ALPL: variants seen among roughly 807,000 people sequenced by gnomAD.
ALPL encodes the protein alkaline phosphatase, tissue-nonspecific isozyme.
In ALPL, 42 loss-of-function variants were observed where a neutral mutation model predicts 51.3. The ratio of observed to expected loss-of-function variants is 0.82; its 90% confidence interval spans 0.64 to 1.06. The LOEUF (loss-of-function observed/expected upper bound fraction) is 1.06, where lower values mean the gene tolerates loss of function less well. Among genes scored for constraint, ALPL ranks in the 50% least tolerant of loss-of-function variants. The pLI is 0.00. For missense variants in ALPL, 589 were observed against 709.4 expected (o/e 0.83, Z 1.93); for synonymous variants, 279 against 296.4 (o/e 0.94, Z 0.60).
chr1:21,564,695 G>T lies in ALPL; in HGVS notation c.648+479G>T, dbSNP rs898074722. On this transcript the variant is annotated intron_variant, in intron 6 of 11. Transcript: ENST00000374840. This position sits in a 1 kb window ranked among gnomAD's most constrained non-coding sequence, Gnocchi z 5.8. ...AGTTCCAGACCTTGCCCTGCGTGTT[G>T]CTAGCTGTGTGACCTTGGGTCAGTT... Among the ~76,000 whole-genome samples the T allele has an allele frequency of 3.3e-5, 5 of 152,230 alleles. No individual in the cohort carries two copies. Among genetic ancestry groups the T allele is most frequent in the Admixed American group, 2.6e-4 (4 of 15,288 alleles).
At chr1:21,516,740 T>C (rs1250348510) in intron 1 of ALPL, among the ~76,000 whole-genome samples, 3 of 152,242 alleles carry the variant, frequency 2.0e-5, no homozygotes, top group Non-Finnish European at 2.9e-5. Flanking sequence ...TGTTAGCCTA[T>C]CAAGATATCA....
chr1:21,542,815 G>A (rs1644205657), intron 1 of ALPL, among the ~76,000 whole-genome samples: 1 of 152,126 alleles, frequency 6.6e-6, no homozygotes. Flanking sequence ...TCCAGCTTGG[G>A]TGACAGAGCA....
At chr1:21,561,974 A>T (rs1270302272) in intron 4 of ALPL, among the ~76,000 whole-genome samples, 1 of 152,092 alleles carries the variant, frequency 6.6e-6, no homozygotes, top group Non-Finnish European at 1.5e-5. Flanking sequence ...GCCTGTATAC[A>T]CTTTTGCATG....
At chr1:21,570,411 G>A (rs764551600) in intron 8 of ALPL, 37 bp downstream of exon 8, 72 of 1,604,096 alleles carry the variant, frequency 4.5e-5, no homozygotes, top group Middle Eastern at 3.3e-4. Flanking sequence ...TGCATGGCTC[G>A]GAGCCTGGTG....
intron 4 of ALPL, among the ~76,000 whole-genome samples, chr1:21,562,130 C>G (rs550197441): frequency 6.6e-6 from 1 of 152,232 alleles, no homozygotes; most frequent in South Asian, 2.1e-4. Context: ...TTTTTGGTTT[C>G]CCAGTGCATA....
chr1:21,535,547 T>G (rs1481779026), intron 1 of ALPL, among the ~76,000 whole-genome samples: 3 of 151,876 alleles, frequency 2.0e-5, no homozygotes, highest in Non-Finnish European at 4.4e-5. Context: ...CTCGGGAGGT[T>G]GAGGCTGCAG....
intron 9 of ALPL, chr1:21,574,210 A>C (rs909997998): frequency 1.2e-5 from 12 of 985,462 alleles, no homozygotes; most frequent in Non-Finnish European, 1.4e-5. Flanking sequence ...CCTTGCAGAC[A>C]GACCTGAATT....
chr1:21,540,887 C>T (rs1371266902), intron 1 of ALPL, among the ~76,000 whole-genome samples: 1 of 152,214 alleles, frequency 6.6e-6, no homozygotes, highest in African/African-American at 2.4e-5. Flanking sequence ...TGGCAGGTTA[C>T]TCCTTTCTTC....
intron 2 of ALPL, among the ~76,000 whole-genome samples, chr1:21,554,834 T>C (rs1644385605): frequency 7.5e-6 from 1 of 133,772 alleles, no homozygotes; most frequent in African/African-American, 2.7e-5. Flanking sequence ...TCTTTCTTTC[T>C]TTCTTTCTTT....
intron 1 of ALPL, among the ~76,000 whole-genome samples, chr1:21,513,982 AGTGAGGCCAT>A (rs978119028): frequency 3.3e-5 from 5 of 152,164 alleles, no homozygotes; most frequent in Non-Finnish European, 7.4e-5. Context: ...GGCTAGATGC[AGTGAGGCCAT>A]GTAAGAGGGG....
intron 1 of ALPL, among the ~76,000 whole-genome samples, chr1:21,524,443 C>G (rs1643916139): frequency 6.6e-6 from 1 of 151,980 alleles, no homozygotes; most frequent in African/African-American, 2.4e-5. Context: ...TATCATTGCA[C>G]CTGTGAATAG....
rs2148189619 is a variant in ALPL at position 21,575,750 on chromosome 1, G to A, written c.1015G>A (p.Gly339Arg). Residue 339 changes from glycine (G) to arginine (R), a missense_variant, in exon 10 of 12, where the codon GGG (glycine) becomes AGG (arginine). Transcript: ENST00000374840. ...LLVEGGRIDHGHHEGKAKQAL... is the reference protein window; with the variant it reads ...LLVEGGRIDHRHHEGKAKQAL... ...GTCCCAAGGAGGCAGAATTGACCAC[G>A]GGCACCATGAAGGAAAAGCCAAGCA... The A allele has an allele frequency of 1.2e-6, 2 of 1,614,140 alleles. No homozygotes were observed. The highest frequency in any genetic ancestry group is 1.7e-6 in the Non-Finnish European group (2 of 1,180,028).
chr1:21,509,912 C>T lies in ALPL; in HGVS notation c.-105+395C>T, dbSNP rs1029166804. ...TGAGCCCCTCCTGGTGCCTCCTTAG[C>T]CGTAGCTCTAGAGACCTGGGCTGCC... On this transcript the variant is annotated intron_variant, in intron 1 of 11. Coordinates refer to ENST00000374840, the MANE Select transcript of ALPL (RefSeq NM_000478.6). This position sits in a 1 kb window ranked among gnomAD's most constrained non-coding sequence, Gnocchi z 6.0. Among the ~76,000 whole-genome samples, 3 of 152,228 alleles carry T rather than the reference C, an allele frequency of 2.0e-5. No individual in the cohort carries two copies. Among genetic ancestry groups the T allele is most frequent in the Admixed American group, 2.0e-4 (3 of 15,286 alleles).
chr1:21,560,838 G>A (rs946017403), intron 3 of ALPL, 93 bp downstream of exon 3: 14 of 1,523,916 alleles, frequency 9.2e-6, no homozygotes, highest in Non-Finnish European at 1.2e-5. Context: ...GTGTTGAAGG[G>A]GCTAGGGCTC....
At chr1:21,514,455 C>T (rs1301997822) in intron 1 of ALPL, among the ~76,000 whole-genome samples, 1 of 152,238 alleles carries the variant, frequency 6.6e-6, no homozygotes, top group Non-Finnish European at 1.5e-5. Context: ...CACTCTGAAC[C>T]CACAGCTCTC....
chr1:21,562,998 G>T, intron 4 of ALPL, 112 bp from the exon 5 acceptor site: 1 of 1,421,352 alleles, frequency 7.0e-7, no homozygotes, highest in East Asian at 2.3e-5. Flanking sequence ...TCAAGGCTAT[G>T]GGGTCCTCTC....
chr1:21,527,232 G>A (rs1015104999), intron 1 of ALPL, among the ~76,000 whole-genome samples: 9 of 151,792 alleles, frequency 5.9e-5, no homozygotes, highest in South Asian at 2.1e-4. Context: ...GGGTTTCTCC[G>A]TGTTGGTCAG....
rs74063110 is a variant in ALPL at position 21,573,619 on chromosome 1, G to A, written c.863-46G>A. On this transcript the variant is annotated intron_variant, in intron 8 of 11. Coordinates refer to ENST00000374840, the MANE Select transcript of ALPL (RefSeq NM_000478.6). ...CAGCTTCCTTGGAGTCCTCCTAGCCGGGTCACAGCCTCTCAGCATCCACAT... is the reference window on the plus strand; with the variant it reads ...CAGCTTCCTTGGAGTCCTCCTAGCCAGGTCACAGCCTCTCAGCATCCACAT... 0.15 allele frequency: 233,561 copies of A among 1,597,136 alleles called. 22,447 individuals are homozygous for A. The highest frequency in any genetic ancestry group is 0.5 in the East Asian group (22,116 of 44,190).
rs1169916596 is a variant in ALPL at position 21,526,972 on chromosome 1, T to A, written c.-105+17455T>A. 4.6e-5 allele frequency among the ~76,000 whole-genome samples: 7 copies of A among 151,130 alleles called. No homozygotes were observed. The South Asian group carries it at 1.0e-3, about 22-fold the overall frequency. On this transcript the variant is annotated intron_variant, in intron 1 of 11. Transcript: ENST00000374840. ...GTCACATGAAAATTGTCTAGATTTTTAAAAAATTGTCTAATTCTGAGTTAC... is the reference window on the plus strand; with the variant it reads ...GTCACATGAAAATTGTCTAGATTTTAAAAAAATTGTCTAATTCTGAGTTAC...
Sources: gnomAD v4.1 joint callset for allele counts (sites outside exome capture counted in the v4.1 genomes callset) on GRCh38, gnomAD v4.1.1 for gene constraint, Gnocchi (gnomAD v3.1) non-coding constraint, MANE v1.5 for transcripts, NCBI Gene and HGNC (gene_info 2026-07-23, HGNC 2026-07-21) for gene names.